Variants in PCSK9 observed in about 807,000 individuals in gnomAD.
PCSK9 encodes convertase subtilisin/kexin type 9 preproprotein.
Under a neutral mutation model 62.1 loss-of-function variants are expected in PCSK9, and 57 were observed. The ratio of observed to expected loss-of-function variants is 0.92; its 90% CI spans 0.74 to 1.14. The LOEUF is 1.14. Ranked by LOEUF, PCSK9 falls within the 50% of genes most tolerant of loss-of-function variation. The pLI is 0.00. For synonymous variants in PCSK9, 387 were observed against 409.4 expected, an observed-to-expected ratio of 0.95 and a Z score of 0.66; for missense variants, 870 against 959.8, an observed-to-expected ratio of 0.91 and a Z score of 1.24.
chr1:55,049,209 G>A (rs913880764), intron 3 of PCSK9, among the ~76,000 whole-genome samples: 3 of 152,220 alleles, frequency 2.0e-5, no homozygotes, highest in African/African-American at 4.8e-5. Context: ...CAAAGGGGAC[G>A]GTGTCCAAGC....
At chr1:55,054,976 G>T (rs1014110324) in intron 5 of PCSK9, among the ~76,000 whole-genome samples, 6 of 150,998 alleles carry the variant, frequency 4.0e-5, no homozygotes, top group South Asian at 2.1e-4. Flanking sequence ...CTGCACTCCA[G>T]CCTGGGCAAT....
Position 55,063,434 on chromosome 1 carries a change from C to A in PCSK9, c.1929C>A (p.His643Gln). ...GCAGTGCCCTCCCTGGGACCTCCCACGTCCTGGGGGCCTACGCCGTAGACA... is the reference window on the plus strand; with the variant it reads ...GCAGTGCCCTCCCTGGGACCTCCCAAGTCCTGGGGGCCTACGCCGTAGACA... The part of the protein sequence containing the change: ...TGCSALPGTS[H>Q]VLGAYAVDNT... Residue 643 changes from histidine to glutamine, a missense_variant, in exon 12 of 12, where the codon CAC becomes CAA. Physicochemically the swap from His to Gln is conservative, Grantham distance 24. Transcript: ENST00000302118. The A allele has an allele frequency of 1.2e-6, 2 of 1,613,982 alleles. No homozygotes were observed. Among genetic ancestry groups the A allele is most frequent in the Non-Finnish European group, 1.7e-6 (2 of 1,179,966 alleles).
chr1:55,049,808 C>T (rs7543163), intron 3 of PCSK9, among the ~76,000 whole-genome samples: 82,478 of 152,076 alleles, frequency 0.54, 24,479 homozygotes, highest in East Asian at 0.82. Context: ...GGGGCTGCCT[C>T]CCCGAGCTTC....
rs374603772 is a variant in PCSK9, at chr1:55,058,630, C to T, written c.1486C>T (p.Arg496Trp). 4.8e-5 allele frequency: 77 copies of T among 1,609,304 alleles called. 1 individual carries two copies. Among genetic ancestry groups the T allele is most frequent in the South Asian group, 3.1e-4 (28 of 90,866 alleles). ...CSSFSRSGKR[R>W]GERMEAQGGK... ...CAGTTTCTCCAGGAGTGGGAAGCGG[C>T]GGGGCGAGCGCATGGAGGTGACTGT... The change falls in exon 9 of 12, where the codon CGG becomes TGG. Residue 496 changes from arginine to tryptophan, a missense_variant. Transcript: ENST00000302118.
intron 10 of PCSK9, among the ~76,000 whole-genome samples, chr1:55,060,526 G>A (rs1399753417): frequency 1.3e-5 from 2 of 152,216 alleles, no homozygotes; most frequent in African/African-American, 4.8e-5. Context: ...CAGGTGGCTG[G>A]TGCCCTTGTC....
At chr1:55,062,606 C>T (rs1013419870) in intron 11 of PCSK9, among the ~76,000 whole-genome samples, 5 of 151,966 alleles carry the variant, frequency 3.3e-5, no homozygotes, top group South Asian at 2.1e-4. Context: ...ACAAGGTGGA[C>T]GAAACAGGCC....
intron 5 of PCSK9, among the ~76,000 whole-genome samples, chr1:55,053,923 T>A (rs934517288): frequency 2.6e-5 from 4 of 152,150 alleles, no homozygotes. Flanking sequence ...GTCCCTTCTT[T>A]GGGGTCCCAG....
chr1:55,063,706 C>A lies in PCSK9; in HGVS notation c.*122C>A. On this transcript the variant is annotated 3_prime_UTR_variant, in exon 12 of 12. Transcript: ENST00000302118. ...TGGCACGAGGGGATGGGGATGCTTC[C>A]GCCTTTCCGGGGCTGCTGGCCTGGC... 1 of 1,211,662 alleles carries A rather than the reference C, an allele frequency of 8.3e-7. No individual in the cohort carries two copies. The highest frequency in any genetic ancestry group is 1.1e-6 in the Non-Finnish European group (1 of 883,800). The allele number at this position is 1,211,662 out of a possible 1,614,324, so 75.1% of individuals were successfully genotyped here.
rs759797943 is a variant in PCSK9, at chr1:55,052,369, C to T, written c.615C>T (p.Phe205=). 7.4e-6 allele frequency: 12 copies of T among 1,613,910 alleles called. No individual in the cohort carries two copies. The highest frequency in any genetic ancestry group is 2.2e-5 in the South Asian group (2 of 91,074). The part of the protein sequence containing the change: ...EIEGRVMVTD[F]ENVPEEDGTR... ...AGGGCAGGGTCATGGTCACCGACTT[C>T]GAGAATGTGCCCGAGGAGGACGGGA... Residue 205 remains phenylalanine (F), a synonymous_variant, in exon 4 of 12, where the codon TTC becomes TTT. Coordinates refer to ENST00000302118, the MANE Select transcript of PCSK9 (RefSeq NM_174936.4).
intron 3 of PCSK9, chr1:55,052,075 C>T (rs925231508): frequency 8.1e-6 from 6 of 740,466 alleles, no homozygotes; most frequent in Non-Finnish European, 1.3e-5. Flanking sequence ...GTTACCTGCC[C>T]TCTCTAGGCC....
At chr1:55,054,338 G>A (rs889445249) in intron 5 of PCSK9, among the ~76,000 whole-genome samples, 1 of 152,180 alleles carries the variant, frequency 6.6e-6, no homozygotes, top group Admixed American at 6.5e-5. Context: ...AGCTGAGATC[G>A]TGCCACTGCA....
rs895600553 is a variant in PCSK9, at chr1:55,040,650, A to G, written c.207+606A>G. Among the ~76,000 whole-genome samples the G allele has an allele frequency of 2.0e-5, 3 of 152,202 alleles. No homozygotes were observed. The highest frequency in any genetic ancestry group is 4.8e-5 in the African/African-American group (2 of 41,462). ...AGTATTCCATCTGTTTCAGCCGAAG[A>G]AAAGAACCAGCTGAAGGGGCAGGGG... On this transcript the variant is annotated intron_variant, in intron 1 of 11. Transcript: ENST00000302118. This position sits in a 1 kb window ranked among gnomAD's most constrained non-coding sequence, Gnocchi z 4.1.
At chr1:55,050,697 G>C (rs1273305347) in intron 3 of PCSK9, among the ~76,000 whole-genome samples, 1 of 152,176 alleles carries the variant, frequency 6.6e-6, no homozygotes, top group Non-Finnish European at 1.5e-5. Flanking sequence ...AGCATAGTGG[G>C]TGGGTGGGAG....
chr1:55,050,176 T>C (rs952787661), intron 3 of PCSK9, among the ~76,000 whole-genome samples: 1 of 152,238 alleles, frequency 6.6e-6, no homozygotes, highest in East Asian at 1.9e-4. Context: ...AGGGAAAACC[T>C]TGGGCTGCTT....
rs1193030359 is a variant in PCSK9 at position 55,040,004 on chromosome 1, C to T, written c.167C>T (p.Pro56Leu). The T allele has an allele frequency of 6.3e-7, 1 of 1,577,506 alleles. No homozygotes were observed. Among genetic ancestry groups the T allele is most frequent in the Non-Finnish European group, 8.6e-7 (1 of 1,162,460 alleles). ...GAGGAGGACGGCCTGGCCGAAGCAC[C>T]CGAGCACGGAACCACAGCCACCTTC... ...RSEEDGLAEA[P>L]EHGTTATFHR... The change falls in exon 1 of 12, where the codon CCC (proline) becomes CTC (leucine). Residue 56 changes from proline (P) to leucine (L), a missense_variant. Pro to Leu is a moderately conservative substitution (Grantham distance 98, BLOSUM62 -3). Transcript: ENST00000302118. The surrounding 1 kb of genome is among the most constrained non-coding windows in gnomAD (Gnocchi z 4.1).
intron 5 of PCSK9, among the ~76,000 whole-genome samples, chr1:55,053,297 C>T (rs543436510): frequency 5.0e-4 from 76 of 152,222 alleles, no homozygotes; most frequent in African/African-American, 1.8e-3. Context: ...GTCCACCCAG[C>T]GGCCCCCCTA....
intron 2 of PCSK9, among the ~76,000 whole-genome samples, chr1:55,044,960 A>C (rs1644623368): frequency 6.6e-6 from 1 of 152,178 alleles, no homozygotes; most frequent in Non-Finnish European, 1.5e-5. Context: ...GGAGACTGAC[A>C]AGTCAATGCC....
intron 10 of PCSK9, among the ~76,000 whole-genome samples, chr1:55,061,009 C>G (rs1201802236): frequency 6.6e-6 from 1 of 152,170 alleles, no homozygotes; most frequent in Non-Finnish European, 1.5e-5. Flanking sequence ...TCAGACAGAC[C>G]CCGGCTTACC....
At chr1:55,050,148 G>A (rs189816801) in intron 3 of PCSK9, among the ~76,000 whole-genome samples, 206 of 152,324 alleles carry the variant, frequency 1.4e-3, no homozygotes, top group African/African-American at 4.5e-3. Context: ...CAGTTGTCCC[G>A]TCAGCCTGGA....
Sources: gnomAD v4.1 joint callset for allele counts (sites outside exome capture counted in the v4.1 genomes callset) on GRCh38, gnomAD v4.1.1 for gene constraint, Gnocchi (gnomAD v3.1) non-coding constraint, MANE v1.5 for transcripts, NCBI Gene and HGNC (gene_info 2026-07-23, HGNC 2026-07-21) for gene names.